SLC4A4: variants seen among roughly 807,000 people sequenced by gnomAD.
SLC4A4 encodes solute carrier family 4 member 4.
A neutral mutation model predicts 111.5 loss-of-function variants in SLC4A4; 27 were observed. The ratio of observed to expected loss-of-function variants is 0.24; its 90% CI spans 0.18 to 0.33. The LOEUF (loss-of-function observed/expected upper bound fraction) is 0.33, where lower values mean the gene tolerates loss of function less well. Among genes scored for constraint, SLC4A4 ranks in the 10% least tolerant of loss-of-function variants. The probability of loss-of-function intolerance (pLI) is 1.00; values close to 1 mark genes in which losing one functional copy is unlikely to be tolerated. For synonymous variants in SLC4A4, 443 were observed against 463.4 expected (o/e 0.96, Z 0.57); for missense variants, 909 against 1,315.5 (o/e 0.69, Z 4.78).
intron 1 of SLC4A4, among the ~76,000 whole-genome samples, chr4:71,208,682 G>A (rs1717943928): frequency 6.6e-6 from 1 of 151,600 alleles, no homozygotes; most frequent in South Asian, 2.1e-4. Context: ...TCCCATTACG[G>A]CCTTTTCTTT....
chr4:71,527,081 TC>T (rs1195995459), intron 16 of SLC4A4, among the ~76,000 whole-genome samples: 1 of 152,108 alleles, frequency 6.6e-6, no homozygotes, highest in Non-Finnish European at 1.5e-5. Flanking sequence ...CATTACATAT[TC>T]ACAGGTTGTG....
At chr4:71,231,677 A>C (rs1305635138) in intron 1 of SLC4A4, among the ~76,000 whole-genome samples, 1 of 152,178 alleles carries the variant, frequency 6.6e-6, no homozygotes, top group Non-Finnish European at 1.5e-5. Context: ...ATCTATTCTG[A>C]ACTTTGCCTC....
intron 6 of SLC4A4, among the ~76,000 whole-genome samples, chr4:71,376,862 C>T (rs1732455439): frequency 6.6e-6 from 1 of 152,048 alleles, no homozygotes; most frequent in East Asian, 1.9e-4. Flanking sequence ...GTCTCGAACT[C>T]CTGGTGTCAA....
At chr4:71,181,499 C>T (rs1745292497) in intron 2 of SLC4A4, among the ~76,000 whole-genome samples, 1 of 152,054 alleles carries the variant, frequency 6.6e-6, no homozygotes, top group African/African-American at 2.4e-5. Flanking sequence ...TATGCACATG[C>T]AAATAAATAC....
At chr4:71,135,093 T>C (rs1035944956) in intron 2 of SLC4A4, among the ~76,000 whole-genome samples, 1 of 152,156 alleles carries the variant, frequency 6.6e-6, no homozygotes, top group African/African-American at 2.4e-5. Context: ...ATAAGTTCCA[T>C]GGTGTGTATG....
At position 71,451,182 on chromosome 4, in the gene SLC4A4, G is replaced by T; in HGVS notation, c.1209-6G>T. ...ATATACTCTTGGGCTCTGTTGTCTTGCTTAGAAAGAATATGTACTCAGGTG... is the reference window on the plus strand; with the variant it reads ...ATATACTCTTGGGCTCTGTTGTCTTTCTTAGAAAGAATATGTACTCAGGTG... On this transcript the variant is annotated splice_polypyrimidine_tract_variant and splice_region_variant and intron_variant, in intron 10 of 25. Transcript: ENST00000264485. 6.4e-7 allele frequency: 1 copy of T among 1,560,792 alleles called. No homozygotes were observed. The highest frequency in any genetic ancestry group is 8.8e-7 in the Non-Finnish European group (1 of 1,131,356).
At chr4:71,373,822 T>C (rs1376462489) in intron 6 of SLC4A4, among the ~76,000 whole-genome samples, 1 of 152,082 alleles carries the variant, frequency 6.6e-6, no homozygotes, top group East Asian at 1.9e-4. Context: ...GCAAGAAATG[T>C]TATAGGAATG....
intron 2 of SLC4A4, among the ~76,000 whole-genome samples, chr4:71,165,018 A>C (rs1011371421): frequency 6.6e-6 from 1 of 152,270 alleles, no homozygotes; most frequent in Non-Finnish European, 1.5e-5. Flanking sequence ...ATCTCAAGCC[A>C]GTCAGAATGG....
At chr4:71,154,160 T>C (rs1468085390) in intron 2 of SLC4A4, among the ~76,000 whole-genome samples, 1 of 152,186 alleles carries the variant, frequency 6.6e-6, no homozygotes, top group Admixed American at 6.5e-5. Context: ...TTTGCATTTG[T>C]TCAAGGAGCT....
chr4:71,078,126 T>C (rs546702958), intron 1 of SLC4A4, among the ~76,000 whole-genome samples: 9 of 152,308 alleles, frequency 5.9e-5, no homozygotes, highest in Admixed American at 2.6e-4. Flanking sequence ...GCAGGAGTAC[T>C]ATGGTCTCAT....
chr4:71,246,815 A>T (rs1363703665), intron 2 of SLC4A4, among the ~76,000 whole-genome samples: 2 of 152,110 alleles, frequency 1.3e-5, no homozygotes, highest in African/African-American at 4.8e-5. Context: ...GAAAAATGGG[A>T]AAGGAAGGCT....
chr4:71,194,241 A>C (rs1228424357), intron 1 of SLC4A4, among the ~76,000 whole-genome samples: 1 of 152,234 alleles, frequency 6.6e-6, no homozygotes, highest in African/African-American at 2.4e-5. Context: ...TGAGGAACAG[A>C]TAAAGTGATC....
intron 7 of SLC4A4, among the ~76,000 whole-genome samples, chr4:71,430,854 G>A (rs1301148941): frequency 6.6e-6 from 1 of 152,110 alleles, no homozygotes; most frequent in African/African-American, 2.4e-5. Flanking sequence ...TTTCCAAAAG[G>A]TTTCATCCCT....
At chr4:71,395,673 G>A (rs538294596) in intron 6 of SLC4A4, among the ~76,000 whole-genome samples, 9 of 152,288 alleles carry the variant, frequency 5.9e-5, no homozygotes, top group Admixed American at 4.6e-4. Flanking sequence ...GACAGTGCTT[G>A]GGCTGAAATG....
chr4:71,247,032 C>G (rs1156712175), intron 2 of SLC4A4, among the ~76,000 whole-genome samples: 1 of 151,962 alleles, frequency 6.6e-6, no homozygotes, highest in African/African-American at 2.4e-5. Context: ...ATTGAAGATT[C>G]TGGGATTCTA....
In SLC4A4 at chr4:71,138,452, T is replaced by C. The variant is rs550641346; in HGVS notation, c.-2+45660T>C. Among the ~76,000 whole-genome samples, 7 of 152,210 alleles carry C rather than the reference T, an allele frequency of 4.6e-5. No homozygotes were observed. In the South Asian group the frequency reaches 1.5e-3, roughly 32 times the overall value. On this transcript the variant is annotated intron_variant, in intron 2 of 26. Coordinates refer to the SLC4A4 transcript ENST00000649996. ...AACTTGCCTAGCAGGAAAATAAAGG[T>C]GCAGCCAAGGACACACCAAGCCTTT...
chr4:71,320,024 A>C (rs1726995388), intron 3 of SLC4A4, among the ~76,000 whole-genome samples: 1 of 151,892 alleles, frequency 6.6e-6, no homozygotes, highest in Non-Finnish European at 1.5e-5. Context: ...TTCTCTGAGG[A>C]TATAGGAATC....
chr4:71,116,836 A>T (rs1235867281), intron 2 of SLC4A4, among the ~76,000 whole-genome samples: 1 of 152,000 alleles, frequency 6.6e-6, no homozygotes, highest in Non-Finnish European at 1.5e-5. Context: ...CCAGCTACTG[A>T]GGAGGCTGAG....
At chr4:71,295,227 T>G (rs943032177) in intron 3 of SLC4A4, among the ~76,000 whole-genome samples, 2 of 152,134 alleles carry the variant, frequency 1.3e-5, no homozygotes, top group Non-Finnish European at 2.9e-5. Flanking sequence ...TTTTGAGTCT[T>G]TTCCCATGAT....
Sources: gnomAD v4.1 joint callset for allele counts (sites outside exome capture counted in the v4.1 genomes callset) on GRCh38, gnomAD v4.1.1 for gene constraint, MANE v1.5 for transcripts, NCBI Gene and HGNC (gene_info 2026-07-23, HGNC 2026-07-21) for gene names.